ALAS1: variants seen among roughly 807,000 people sequenced by gnomAD.
The protein encoded by ALAS1 is 5-aminolevulinate synthase, non-specific, mitochondrial.
ALAS1 carries 29 observed loss-of-function variants against 59.6 expected under a neutral mutation model. The ratio of observed to expected loss-of-function variants is 0.49; its 90% CI spans 0.36 to 0.66. The LOEUF (loss-of-function observed/expected upper bound fraction) is 0.66, where lower values mean the gene tolerates loss of function less well. Ranked by LOEUF, ALAS1 falls within the 30% of genes least tolerant of loss-of-function variation. The pLI, the probability that ALAS1 is intolerant of heterozygous loss-of-function variation, is 0.00. For missense variants in ALAS1, 690 were observed against 807.5 expected, an observed-to-expected ratio of 0.85 and a Z score of 1.76; for synonymous variants, 299 against 296.6, an observed-to-expected ratio of 1.01 and a Z score of -0.08.
chr3:52,201,729 C>G (rs1373491295), intron 3 of ALAS1, among the ~76,000 whole-genome samples: 2 of 152,044 alleles, frequency 1.3e-5, no homozygotes, highest in Non-Finnish European at 2.9e-5. Flanking sequence ...GCACTCTAGC[C>G]TGGTTGACAG....
Position 52,206,021 on chromosome 3 carries a change from C to T in ALAS1, c.983C>T (p.Pro328Leu). 6.3e-7 allele frequency: 1 copy of T among 1,589,506 alleles called. No homozygotes were observed. The highest frequency in any genetic ancestry group is 8.6e-7 in the Non-Finnish European group (1 of 1,165,814). The change falls in exon 7 of 12, where the codon CCA (proline) becomes CTA (leucine). Residue 328 changes from proline (P) to leucine (L), a missense_variant and splice_region_variant. By Grantham distance (98) the Pro-to-Leu change is moderately conservative. Coordinates refer to ENST00000484952, the MANE Select transcript of ALAS1 (RefSeq NM_000688.6). ...CTCTTCACCCTGGCTAAGATGATGC[C>T]AGGTAAGGAAGCCTGGCATGAGTGC... ...STLFTLAKMM[P>L]GCEIYSDSGN... is the part of the protein sequence containing the mutation.
chr3:52,202,738 A>G lies in ALAS1; in HGVS notation c.427+4A>G, dbSNP rs768041322. On this transcript the variant is annotated splice_donor_region_variant and intron_variant, in intron 4 of 11. Coordinates refer to ENST00000484952, the MANE Select transcript of ALAS1 (RefSeq NM_000688.6). ...GAAATGAATGCCGTGAGGAAAGGTA[A>G]GAGATGAGTTGTGAACCATTAGTGG... The G allele has an allele frequency of 1.2e-6, 2 of 1,613,296 alleles. No homozygotes were observed. Among genetic ancestry groups the G allele is most frequent in the Middle Eastern group, 1.7e-4 (1 of 6,060 alleles).
chr3:52,206,081 A>G (rs1577967050), intron 7 of ALAS1, 58 bp downstream of exon 7: 2 of 1,448,824 alleles, frequency 1.4e-6, no homozygotes, highest in East Asian at 4.6e-5. Context: ...TAATAACAAG[A>G]ATATTGGCAA....
intron 3 of ALAS1, 138 bp downstream of exon 3, chr3:52,199,578 A>G: frequency 1.3e-6 from 1 of 785,024 alleles, no homozygotes; most frequent in South Asian, 1.8e-5. Context: ...CTGAGCACAG[A>G]TTATCTCATA....
At chr3:52,203,578 G>T (rs867970181) in intron 4 of ALAS1, among the ~76,000 whole-genome samples, 1 of 151,990 alleles carries the variant, frequency 6.6e-6, no homozygotes. Flanking sequence ...TAGGATTGGG[G>T]TGGGGATGTA....
In ALAS1 at chr3:52,202,589, A is replaced by G. The variant is rs751814469; in HGVS notation, c.282A>G (p.Gly94=). Residue 94 remains glycine, a synonymous_variant, in exon 4 of 12, where the codon GGA becomes GGG. Transcript: ENST00000484952. ...CAGATGGCACACAGCTTCCGTCTGG[A>G]CACCCCTTGCCTGCCACAAGCCAGG... ...QSPDGTQLPS[G]HPLPATSQGT... 6.2e-7 allele frequency: 1 copy of G among 1,614,134 alleles called. No individual in the cohort carries two copies. The highest frequency in any genetic ancestry group is 1.1e-5 in the South Asian group (1 of 91,086).
chr3:52,204,966 T>C (rs1474844493), intron 6 of ALAS1, 51 bp downstream of exon 6: 3 of 1,492,878 alleles, frequency 2.0e-6, no homozygotes, highest in Admixed American at 1.7e-5. Context: ...GGCAAGCCAA[T>C]GATGATGTAT....
At chr3:52,204,209 T>G (rs941516039) in intron 5 of ALAS1, among the ~76,000 whole-genome samples, 197 bp downstream of exon 5, 4 of 152,144 alleles carry the variant, frequency 2.6e-5, no homozygotes, top group Non-Finnish European at 4.4e-5. Context: ...AGCAAGACAC[T>G]ATCTCTACCA....
intron 11 of ALAS1, among the ~76,000 whole-genome samples, chr3:52,213,471 C>T (rs1477120430): frequency 4.6e-5 from 7 of 152,150 alleles, no homozygotes; most frequent in Admixed American, 4.6e-4. Flanking sequence ...TTTATAAAAG[C>T]CTTATCTCAG....
At chr3:52,200,711 T>C (rs1430058275) in intron 3 of ALAS1, among the ~76,000 whole-genome samples, 1 of 152,206 alleles carries the variant, frequency 6.6e-6, no homozygotes, top group Admixed American at 6.5e-5. Flanking sequence ...TCTTTATTTG[T>C]ATATACATTT....
rs992779377 is a variant in ALAS1, at chr3:52,204,098, G to T, written c.577+86G>T. The stretch of plus-strand genomic sequence containing the variant: ...ATTAAATATAAAATTGCATGGTGAG[G>T]CTGGGCACAGTAGCTCATACCTGTA... On this transcript the variant is annotated intron_variant, in intron 5 of 11. Coordinates refer to ENST00000484952, the MANE Select transcript of ALAS1 (RefSeq NM_000688.6). 3.6e-6 allele frequency: 5 copies of T among 1,386,898 alleles called. No individual in the cohort carries two copies. In the African/African-American group the frequency reaches 7.2e-5, roughly 20 times the overall value. 85.9% of individuals were successfully genotyped at this position (1,386,898 alleles called of 1,614,324 possible).
At chr3:52,211,935 G>T (rs1424635734) in intron 10 of ALAS1, among the ~76,000 whole-genome samples, 5 of 152,232 alleles carry the variant, frequency 3.3e-5, no homozygotes, top group Non-Finnish European at 7.3e-5. Flanking sequence ...AGTTGAATTA[G>T]TGTAATGAAT....
intron 3 of ALAS1, among the ~76,000 whole-genome samples, chr3:52,201,402 C>T (rs1699183378): frequency 6.6e-6 from 1 of 152,090 alleles, no homozygotes; most frequent in Non-Finnish European, 1.5e-5. Context: ...TAGATGAAAA[C>T]CAATAGCTTT....
At chr3:52,208,668 C>T (rs1434282721) in intron 9 of ALAS1, among the ~76,000 whole-genome samples, 2 of 152,300 alleles carry the variant, frequency 1.3e-5, no homozygotes, top group African/African-American at 4.8e-5. Flanking sequence ...CTAATTCATC[C>T]TGGTTTTCCT....
At position 52,199,428 on chromosome 3, in the gene ALAS1, C is replaced by T. The variant is rs752999300; in HGVS notation, c.187C>T (p.Pro63Ser). 1.2e-6 allele frequency: 2 copies of T among 1,613,932 alleles called. No individual in the cohort carries two copies. Among genetic ancestry groups the T allele is most frequent in the Non-Finnish European group, 1.7e-6 (2 of 1,179,904 alleles). ...VHYQQIKETP[P>S]ASEKDKTAKA... ...CTACCAACAGATCAAAGAAACCCCTCCGGCCAGTGAGAGTAAGTGTCATTG... is the reference window on the plus strand; with the variant it reads ...CTACCAACAGATCAAAGAAACCCCTTCGGCCAGTGAGAGTAAGTGTCATTG... The change falls in exon 3 of 12, where the codon CCG (proline) becomes TCG (serine). Residue 63 changes from proline to serine, a missense_variant. Physicochemically the swap from Pro to Ser is moderately conservative, Grantham distance 74 (BLOSUM62 -1). Transcript: ENST00000484952.
At position 52,205,980 on chromosome 3, in the gene ALAS1, G is replaced by T; in HGVS notation, c.942G>T (p.Val314=). 6 of 1,613,944 alleles carry T rather than the reference G, an allele frequency of 3.7e-6. No homozygotes were observed. The highest frequency in any genetic ancestry group is 5.1e-6 in the Non-Finnish European group (6 of 1,179,932). ...CACTCTTGTTTTCCTCGTGCTTTGTGGCCAATGACTCAACCCTCTTCACCC... is the reference window on the plus strand; with the variant it reads ...CACTCTTGTTTTCCTCGTGCTTTGTTGCCAATGACTCAACCCTCTTCACCC... ...DAALLFSSCF[V]ANDSTLFTLA... The change falls in exon 7 of 12, where the codon GTG becomes GTT. Residue 314 remains valine (V), a synonymous_variant. Coordinates refer to ENST00000484952, the MANE Select transcript of ALAS1 (RefSeq NM_000688.6).
chr3:52,206,733 A>T lies in ALAS1; in HGVS notation c.1147A>T (p.Thr383Ser). The change falls in exon 8 of 12, where the codon ACT (threonine) becomes TCT (serine). Residue 383 changes from threonine (T) to serine (S), a missense_variant. Transcript: ENST00000484952. ...PSVPKIVAFE[T>S]VHSMDGAVCP... is the part of the protein sequence containing the mutation. ...AGTCCCCAAGATTGTGGCATTTGAA[A>T]CTGTCCATTCAATGGATGGTAAGTG... The T allele has an allele frequency of 6.2e-7, 1 of 1,614,160 alleles. No individual in the cohort carries two copies. Among genetic ancestry groups the T allele is most frequent in the Non-Finnish European group, 8.5e-7 (1 of 1,180,028 alleles).
intron 9 of ALAS1, 36 bp from the exon 10 acceptor site, chr3:52,211,247 G>T: frequency 6.2e-7 from 1 of 1,604,684 alleles, no homozygotes; most frequent in Non-Finnish European, 8.5e-7. Context: ...GCAATTTACA[G>T]CTGTTGCTGT....
chr3:52,204,520 C>T (rs1050789140), intron 5 of ALAS1, among the ~76,000 whole-genome samples, 173 bp from the exon 6 acceptor site: 1 of 152,218 alleles, frequency 6.6e-6, no homozygotes, highest in Non-Finnish European at 1.5e-5. Context: ...TTACCGTCTA[C>T]ACATGGCACT....
Sources: gnomAD v4.1 joint callset for allele counts (sites outside exome capture counted in the v4.1 genomes callset) on GRCh38, gnomAD v4.1.1 for gene constraint, MANE v1.5 for transcripts, NCBI Gene and HGNC (gene_info 2026-07-23, HGNC 2026-07-21) for gene names.